Variants in STX11 observed in about 807,000 individuals in gnomAD.
STX11 encodes syntaxin-11.
In STX11, 21 loss-of-function variants were observed where a neutral mutation model predicts 19.9. The observed-to-expected ratio is 1.06, with a 90% confidence interval of 0.75 to 1.52. The LOEUF is 1.52. Among genes scored for constraint, STX11 ranks in the 40% most tolerant of loss-of-function variants. The pLI is 0.00. For missense variants in STX11, 438 were observed against 405.9 expected, an observed-to-expected ratio of 1.08 and a Z score of -0.68; for synonymous variants, 193 against 174.4, an observed-to-expected ratio of 1.11 and a Z score of -0.84.
rs113486926 is a variant in STX11 at position 144,160,074 on chromosome 6, C to T, written c.-6+9371C>T. Among the ~76,000 whole-genome samples the T allele has an allele frequency of 2.4e-3, 358 of 152,312 alleles. 3 individuals are homozygous for T. The highest frequency in any genetic ancestry group is 8.3e-3 in the African/African-American group (343 of 41,570). ...CTGGAATGAAATGGCACAATCTCTG[C>T]TCACAGTAACCTCCGCCTCCCGGGT... On this transcript the variant is annotated intron_variant, in intron 1 of 1. Coordinates refer to ENST00000367568, the MANE Select transcript of STX11 (RefSeq NM_003764.4). This position sits in a 1 kb window ranked among gnomAD's most constrained non-coding sequence, Gnocchi z 4.3.
At chr6:144,140,661 A>C in the STX11 span, 1 of 819,096 alleles carries the variant, frequency 1.2e-6, no homozygotes, top group South Asian at 5.6e-5. Context: ...CTGTGAACTC[A>C]CAGAAACTAT....
chr6:144,178,042 G>T (rs1327247684), intron 1 of STX11, among the ~76,000 whole-genome samples: 1 of 152,194 alleles, frequency 6.6e-6, no homozygotes, highest in Non-Finnish European at 1.5e-5. Flanking sequence ...AGAATTAGAT[G>T]CTAATAATTG....
chr6:144,155,994 CTTT>C lies in STX11; in HGVS notation c.-6+5292_-6+5294del, dbSNP rs1562655481. Among the ~76,000 whole-genome samples, 40 of 131,224 alleles carry C rather than the reference CTTT, an allele frequency of 3.0e-4. 1 individual carries two copies. The East Asian group carries it at 3.3e-3, about 11-fold the overall frequency. 86.1% of individuals were successfully genotyped at this position (131,224 alleles called of 152,430 possible). ...TCTTTCTTTCTTTCTTTCTTTCTTT[CTTT>C]CTTTCTTTCTTTCTTTCTCTCTTTC... is the stretch of plus-strand genomic sequence containing the variant. On this transcript the variant is annotated intron_variant, in intron 1 of 1. Coordinates refer to ENST00000367568, the MANE Select transcript of STX11 (RefSeq NM_003764.4). The surrounding 1 kb of genome is among the most constrained non-coding windows in gnomAD (Gnocchi z 4.5).
chr6:144,161,421 G>A (rs563417085), intron 1 of STX11, among the ~76,000 whole-genome samples: 1 of 152,130 alleles, frequency 6.6e-6, no homozygotes, highest in African/African-American at 2.4e-5. Context: ...ACGCTGGAGT[G>A]CAGTGGCATG....
chr6:144,187,086 G>C lies in STX11; in HGVS notation c.459G>C (p.Gln153His), dbSNP rs755804523. 6.2e-6 allele frequency: 10 copies of C among 1,613,716 alleles called. 1 individual carries two copies. The South Asian group carries it at 7.7e-5, about 12-fold the overall frequency. ...MHDYNQAEMK[Q>H]RDNCKIRIQR... ...ACTACAACCAGGCCGAGATGAAGCA[G>C]CGCGACAACTGCAAGATCCGCATCC... is the stretch of plus-strand genomic sequence containing the variant. Residue 153 changes from glutamine to histidine, a missense_variant, in exon 2 of 2, where the codon CAG (glutamine) becomes CAC (histidine). By Grantham distance (24) the Gln-to-His change is conservative (BLOSUM62 0). Coordinates refer to ENST00000367568, the MANE Select transcript of STX11 (RefSeq NM_003764.4). The surrounding 1 kb of genome is among the most constrained non-coding windows in gnomAD (Gnocchi z 5.6).
At position 144,160,377 on chromosome 6, in the gene STX11, TC is replaced by T. The variant is rs1482767938; in HGVS notation, c.-6+9676del. Among the ~76,000 whole-genome samples, 23 of 152,328 alleles carry T rather than the reference TC, an allele frequency of 1.5e-4. No homozygotes were observed. Among genetic ancestry groups the T allele is most frequent in the African/African-American group, 5.3e-4 (22 of 41,568 alleles). ...TAAGCTTAGGGTAAGGTTTGAGACT[TC>T]CTGATTTTTAACTTTTGAAGCTTTG... On this transcript the variant is annotated intron_variant, in intron 1 of 1. Coordinates refer to ENST00000367568, the MANE Select transcript of STX11 (RefSeq NM_003764.4). The surrounding 1 kb of genome is among the most constrained non-coding windows in gnomAD (Gnocchi z 4.3).
At position 144,188,107 on chromosome 6, in the gene STX11, A is replaced by G. The variant is rs551466800; in HGVS notation, c.*616A>G. The G allele has an allele frequency of 1.7e-5, 4 of 241,354 alleles. No homozygotes were observed. The highest frequency in any genetic ancestry group is 6.7e-5 in the African/African-American group (3 of 45,110). 15.0% of individuals were successfully genotyped at this position (241,354 alleles called of 1,614,324 possible). The stretch of plus-strand genomic sequence containing the variant: ...TTCTTATCTCTTTCACTTTTTAAAT[A>G]TCTTTCACCAGGTTATATTTTGGTA... On this transcript the variant is annotated 3_prime_UTR_variant, in exon 2 of 2. Transcript: ENST00000367568.
chr6:144,188,519 C>G lies in STX11; in HGVS notation c.*1028C>G. ...ATGGCGGTAGAAAATGTATACGGAGCTAGAGACAACTAACATTCTTGGAAA... is the reference window on the plus strand; with the variant it reads ...ATGGCGGTAGAAAATGTATACGGAGGTAGAGACAACTAACATTCTTGGAAA... On this transcript the variant is annotated 3_prime_UTR_variant, in exon 2 of 2. Transcript: ENST00000367568. The G allele has an allele frequency of 4.5e-6, 1 of 222,814 alleles. No homozygotes were observed. The highest frequency in any genetic ancestry group is 9.8e-6 in the Non-Finnish European group (1 of 102,484). The allele number at this position is 222,814 out of a possible 1,614,324, so 13.8% of individuals were successfully genotyped here. A position where few individuals can be genotyped will look rare whatever the true frequency, so the allele number is the denominator to read the frequency against.
chr6:144,187,063 T>C lies in STX11; in HGVS notation c.436T>C (p.Tyr146His). 1 of 1,613,394 alleles carries C rather than the reference T, an allele frequency of 6.2e-7. No homozygotes were observed. Among genetic ancestry groups the C allele is most frequent in the Non-Finnish European group, 8.5e-7 (1 of 1,179,980 alleles). The change falls in exon 2 of 2, where the codon TAC becomes CAC. Residue 146 changes from tyrosine to histidine, a missense_variant. By Grantham distance (83) the Tyr-to-His change is moderately conservative. Coordinates refer to ENST00000367568, the MANE Select transcript of STX11 (RefSeq NM_003764.4). This position sits in a 1 kb window ranked among gnomAD's most constrained non-coding sequence, Gnocchi z 5.6. ...TLTFQRAMHD[Y>H]NQAEMKQRDN... Reference sequence around the variant, plus strand: ...CACCTTCCAGCGCGCCATGCACGACTACAACCAGGCCGAGATGAAGCAGCG... The same window carrying C: ...CACCTTCCAGCGCGCCATGCACGACCACAACCAGGCCGAGATGAAGCAGCG...
intron 1 of STX11, among the ~76,000 whole-genome samples, chr6:144,181,463 T>C (rs779480421): frequency 6.6e-6 from 1 of 151,602 alleles, no homozygotes; most frequent in African/African-American, 2.4e-5. Flanking sequence ...GGCGTGGTGG[T>C]GCATGCCTGT....
chr6:144,161,805 A>G (rs568285293), intron 1 of STX11, among the ~76,000 whole-genome samples: 3 of 152,190 alleles, frequency 2.0e-5, no homozygotes, highest in Non-Finnish European at 4.4e-5. Flanking sequence ...TTTCATTCGT[A>G]GGATGTTTTC....
At chr6:144,140,232 ATATATATATATATATATATATATTTATT>A in the STX11 span, among the ~76,000 whole-genome samples, 14 of 48,184 alleles carry the variant, frequency 2.9e-4, no homozygotes, top group African/African-American at 9.0e-4. Context: ...ATATATATAT[ATATATATATATATATATATATATTTATT>A]TATTTATTTT....
At position 144,188,825 on chromosome 6, in the gene STX11, C is replaced by T. The variant is rs186332450; in HGVS notation, c.*1334C>T. Among the ~76,000 whole-genome samples the T allele has an allele frequency of 6.2e-5, 9 of 144,264 alleles. No individual in the cohort carries two copies. Among genetic ancestry groups the T allele is most frequent in the African/African-American group, 7.8e-5 (3 of 38,278 alleles). 94.6% of individuals were successfully genotyped at this position (144,264 alleles called of 152,430 possible). A position where few individuals can be genotyped will look rare whatever the true frequency, so the allele number is the denominator to read the frequency against. On this transcript the variant is annotated 3_prime_UTR_variant, in exon 2 of 2. Transcript: ENST00000367568. ...CATTGCAACCTCTGTCTCCCAGGTT[C>T]GAGCGATTCTCCTGACTCAGCCTCC...
Position 144,183,335 on chromosome 6 carries a change from C to G in STX11, c.-5-3288C>G, listed in dbSNP as rs990533809. On this transcript the variant is annotated intron_variant, in intron 1 of 1. Coordinates refer to ENST00000367568, the MANE Select transcript of STX11 (RefSeq NM_003764.4). This position sits in a 1 kb window ranked among gnomAD's most constrained non-coding sequence, Gnocchi z 4.6. ...CTAAACTCTGTGACTTATGTAGAAGCCAGGACCTCATTATTGTGCATTTAA... is the reference window on the plus strand; with the variant it reads ...CTAAACTCTGTGACTTATGTAGAAGGCAGGACCTCATTATTGTGCATTTAA... Among the ~76,000 whole-genome samples the G allele has an allele frequency of 3.3e-5, 5 of 152,148 alleles. No individual in the cohort carries two copies. The highest frequency in any genetic ancestry group is 1.2e-4 in the African/African-American group (5 of 41,442).
rs4896702 is a variant in STX11, at chr6:144,174,296, T to G, written c.-5-12327T>G. Reference sequence around the variant, plus strand: ...CTCAGTCTCATAGCCACCCTCAGACTCAAGGAGTTGAGAAATAGTCTGTAC... The same window carrying G: ...CTCAGTCTCATAGCCACCCTCAGACGCAAGGAGTTGAGAAATAGTCTGTAC... On this transcript the variant is annotated intron_variant, in intron 1 of 1. Coordinates refer to ENST00000367568, the MANE Select transcript of STX11 (RefSeq NM_003764.4). The surrounding 1 kb of genome is among the most constrained non-coding windows in gnomAD (Gnocchi z 5.3). Among the ~76,000 whole-genome samples, 18,218 of 152,224 alleles carry G rather than the reference T, an allele frequency of 0.12. 1,820 individuals carry two copies. Among genetic ancestry groups the G allele is most frequent in the East Asian group, 0.46 (2,378 of 5,178 alleles).
chr6:144,158,325 A>T (rs7755842), intron 1 of STX11, among the ~76,000 whole-genome samples: 15,276 of 152,134 alleles, frequency 0.1, 2,240 homozygotes, highest in African/African-American at 0.32. Flanking sequence ...GCACAGCCCA[A>T]ATTCCTTTGC....
Position 144,155,331 on chromosome 6 carries a change from TG to T in STX11, c.-6+4633del, listed in dbSNP as rs1420943848. ...CTGAGGCAGGAGGATTGCTTGAGCCTGGGGGCAGCGGCAGGGGCGGGGGAGA... is the reference window on the plus strand; with the variant it reads ...CTGAGGCAGGAGGATTGCTTGAGCCTGGGGCAGCGGCAGGGGCGGGGGAGA... On this transcript the variant is annotated intron_variant, in intron 1 of 1. Transcript: ENST00000367568. This position sits in a 1 kb window ranked among gnomAD's most constrained non-coding sequence, Gnocchi z 4.5. 6.6e-6 allele frequency among the ~76,000 whole-genome samples: 1 copy of T among 152,194 alleles called. No homozygotes were observed. The highest frequency in any genetic ancestry group is 1.9e-4 in the East Asian group (1 of 5,208).
the STX11 span, among the ~76,000 whole-genome samples, chr6:144,140,221 T>TAC: frequency 3.1e-5 from 1 of 31,786 alleles, no homozygotes; most frequent in Non-Finnish European, 5.6e-5. Context: ...TATATATATA[T>TAC]ATATATATAT....
chr6:144,165,107 ATAT>A lies in STX11; in HGVS notation c.-6+14406_-6+14408del, dbSNP rs1801443356. ...TTAGTTGGTTTTGTTTTGCAGGGAG[ATAT>A]TGGTTATTTGTCTTCTTTGACAGGT... On this transcript the variant is annotated intron_variant, in intron 1 of 1. Coordinates refer to ENST00000367568, the MANE Select transcript of STX11 (RefSeq NM_003764.4). This position sits in a 1 kb window ranked among gnomAD's most constrained non-coding sequence, Gnocchi z 5.8. Among the ~76,000 whole-genome samples, 1 of 151,924 alleles carries A rather than the reference ATAT, an allele frequency of 6.6e-6. No homozygotes were observed. Among genetic ancestry groups the A allele is most frequent in the Non-Finnish European group, 1.5e-5 (1 of 68,000 alleles).
Sources: allele counts gnomAD v4.1 joint callset (sites outside exome capture counted in the v4.1 genomes callset), GRCh38; gene constraint gnomAD v4.1.1; non-coding constraint Gnocchi (gnomAD v3.1); transcripts MANE v1.5; gene names NCBI Gene and HGNC (gene_info 2026-07-23, HGNC 2026-07-21).